ADAM23: variants seen among roughly 807,000 people sequenced by gnomAD.
ADAM23 encodes ADAM metallopeptidase domain 23.
Under a neutral mutation model 120.1 loss-of-function variants are expected in ADAM23, and 33 were observed. The ratio of observed to expected loss-of-function variants is 0.27; its 90% CI spans 0.21 to 0.37. ADAM23 has a LOEUF of 0.37. ADAM23 is among the 10% of genes least tolerant of loss of function. The pLI is 1.00. For synonymous variants in ADAM23, 367 were observed against 375.2 expected (o/e 0.98, Z 0.25); for missense variants, 862 against 1,058.2 (o/e 0.81, Z 2.57).
chr2:206,503,533 T>C (rs901015086), intron 3 of ADAM23, among the ~76,000 whole-genome samples: 3 of 152,164 alleles, frequency 2.0e-5, no homozygotes, highest in Admixed American at 2.0e-4. Flanking sequence ...TACATTCTGC[T>C]TCTGCCACTG....
intron 3 of ADAM23, among the ~76,000 whole-genome samples, chr2:206,508,459 C>T (rs1696548146): frequency 2.0e-5 from 3 of 151,698 alleles, no homozygotes; most frequent in South Asian, 4.2e-4. Flanking sequence ...AGTTTGAGAC[C>T]AGCCTGGCCA....
chr2:206,465,234 C>T (rs1695520614), intron 2 of ADAM23, among the ~76,000 whole-genome samples: 1 of 152,094 alleles, frequency 6.6e-6, no homozygotes, highest in Non-Finnish European at 1.5e-5. Context: ...CAGAAAAGGT[C>T]TTACTGCGTT....
intron 3 of ADAM23, among the ~76,000 whole-genome samples, chr2:206,521,285 A>G (rs1365377656): frequency 6.6e-6 from 1 of 151,926 alleles, no homozygotes; most frequent in Admixed American, 6.6e-5. Context: ...CATCTGTCTC[A>G]TTGAGTTTAG....
intron 18 of ADAM23, among the ~76,000 whole-genome samples, chr2:206,577,247 A>AT (rs1427280283): frequency 4.0e-5 from 6 of 149,798 alleles, no homozygotes; most frequent in African/African-American, 1.5e-4. Flanking sequence ...GAATAAGGGC[A>AT]TTTTTTCTTT....
At chr2:206,611,974 A>T (rs1035863527) in intron 25 of ADAM23, among the ~76,000 whole-genome samples, 1 of 152,154 alleles carries the variant, frequency 6.6e-6, no homozygotes, top group Non-Finnish European at 1.5e-5. Flanking sequence ...GCTGAGTCAA[A>T]GCCCCTTCCT....
In ADAM23 at chr2:206,561,226, A is replaced by G. The variant is rs202060572; in HGVS notation, c.1254+14A>G. The G allele has an allele frequency of 4.7e-4, 755 of 1,607,198 alleles. 5 individuals carry two copies. Among genetic ancestry groups the G allele is most frequent in the South Asian group, 3.5e-3 (314 of 90,926 alleles). ...GGTGTGAATGAGGTAAATTTTACCA[A>G]TTAGAGTTTCATCTTTGCATCTGTT... On this transcript the variant is annotated intron_variant, in intron 12 of 25. Coordinates refer to ENST00000264377, the MANE Select transcript of ADAM23 (RefSeq NM_003812.4).
intron 4 of ADAM23, among the ~76,000 whole-genome samples, chr2:206,535,129 G>A (rs1433899902): frequency 6.6e-6 from 1 of 152,088 alleles, no homozygotes; most frequent in East Asian, 1.9e-4. Flanking sequence ...CCTGGGTGCA[G>A]CATTAGCAGG....
chr2:206,607,976 C>T (rs745868597), intron 24 of ADAM23: 21 of 450,776 alleles, frequency 4.7e-5, no homozygotes, highest in South Asian at 2.4e-4. Context: ...CTGAAGCGGA[C>T]GAAGTGCAAA....
At chr2:206,493,763 C>A (rs745431668) in intron 3 of ADAM23, among the ~76,000 whole-genome samples, 1 of 152,228 alleles carries the variant, frequency 6.6e-6, no homozygotes, top group Non-Finnish European at 1.5e-5. Flanking sequence ...ACAGGAATAT[C>A]TTTCAAATAA....
chr2:206,558,919 GTTTT>G (rs35695808), intron 10 of ADAM23, among the ~76,000 whole-genome samples: 13,222 of 145,760 alleles, frequency 0.091, 1,002 homozygotes, highest in African/African-American at 0.21. Flanking sequence ...TCATCCATTG[GTTTT>G]TGTTTGTTTG....
chr2:206,462,566 C>T lies in ADAM23; in HGVS notation c.432+17042C>T, dbSNP rs149985198. ...TACATTTGAAAAGGACTTGGAGCAG[C>T]GGGACTTAGGGTTAGAATTCTGTGT... On this transcript the variant is annotated intron_variant, in intron 2 of 25. Coordinates refer to ENST00000264377, the MANE Select transcript of ADAM23 (RefSeq NM_003812.4). 9.1e-3 allele frequency among the ~76,000 whole-genome samples: 1,390 copies of T among 152,186 alleles called. 21 individuals are homozygous for T. The highest frequency in any genetic ancestry group is 0.031 in the African/African-American group (1,291 of 41,510).
At chr2:206,506,489 C>G (rs913411936) in intron 3 of ADAM23, among the ~76,000 whole-genome samples, 1 of 152,190 alleles carries the variant, frequency 6.6e-6, no homozygotes, top group Non-Finnish European at 1.5e-5. Context: ...AAGAAAACTT[C>G]AGTTTAGGAG....
At chr2:206,590,215 A>G (rs961164134) in intron 21 of ADAM23, among the ~76,000 whole-genome samples, 5 of 151,914 alleles carry the variant, frequency 3.3e-5, no homozygotes, top group African/African-American at 1.2e-4. Context: ...CTCGTGCCTC[A>G]ACCTCCTGAG....
intron 3 of ADAM23, among the ~76,000 whole-genome samples, chr2:206,529,231 A>G (rs1442210150): frequency 6.6e-6 from 1 of 152,136 alleles, no homozygotes. Context: ...TAAATACTGC[A>G]TATTCATGGT....
Position 206,556,312 on chromosome 2 carries a change from CAG to C in ADAM23, c.934-1113_934-1112del, listed in dbSNP as rs1390847245. The stretch of plus-strand genomic sequence containing the variant: ...ATTCTTTGTTTAAAAAACATAGTCA[CAG>C]ATAGAATGAAATGAAGGGAATCTGA... On this transcript the variant is annotated intron_variant, in intron 9 of 25. Coordinates refer to ENST00000264377, the MANE Select transcript of ADAM23 (RefSeq NM_003812.4). Among the ~76,000 whole-genome samples the C allele has an allele frequency of 3.9e-5, 6 of 152,070 alleles. No individual in the cohort carries two copies. In the East Asian group the frequency reaches 9.6e-4, roughly 24 times the overall value.
intron 3 of ADAM23, among the ~76,000 whole-genome samples, chr2:206,498,961 A>G (rs1696320000): frequency 6.6e-6 from 1 of 152,248 alleles, no homozygotes; most frequent in Non-Finnish European, 1.5e-5. Flanking sequence ...ATCTCACACC[A>G]GTTAGAATGG....
chr2:206,523,881 G>A (rs1030517243), intron 3 of ADAM23, among the ~76,000 whole-genome samples: 9 of 152,088 alleles, frequency 5.9e-5, no homozygotes, highest in Non-Finnish European at 8.8e-5. Context: ...GAGCGGGCAC[G>A]ATGCTTCACT....
At chr2:206,476,967 T>C (rs768970818) in intron 2 of ADAM23, among the ~76,000 whole-genome samples, 9 of 152,332 alleles carry the variant, frequency 5.9e-5, no homozygotes, top group Admixed American at 6.5e-5. Flanking sequence ...CATGAAAACA[T>C]GTATATCCTG....
At chr2:206,595,344 T>TA (rs1698504031) in intron 23 of ADAM23, among the ~76,000 whole-genome samples, 1 of 152,204 alleles carries the variant, frequency 6.6e-6, no homozygotes, top group South Asian at 2.1e-4. Context: ...TGCTCATTGT[T>TA]ATTTATTTCC....
Sources: allele counts gnomAD v4.1 joint callset (sites outside exome capture counted in the v4.1 genomes callset), GRCh38; gene constraint gnomAD v4.1.1; transcripts MANE v1.5; gene names NCBI Gene and HGNC (gene_info 2026-07-23, HGNC 2026-07-21).